SYT1: variants seen among roughly 807,000 people sequenced by gnomAD.
SYT1 encodes synaptotagmin-1.
Under a neutral mutation model 44.8 loss-of-function variants are expected in SYT1, and 8 were observed. That is an observed-to-expected ratio of 0.18 (90% CI 0.10 to 0.32). The LOEUF (loss-of-function observed/expected upper bound fraction) is 0.32, where lower values mean the gene tolerates loss of function less well. Among genes scored for constraint, SYT1 ranks in the 10% least tolerant of loss-of-function variants. SYT1 has a pLI of 1.00. For missense variants in SYT1, 286 were observed against 509.3 expected (o/e 0.56, Z 4.22); for synonymous variants, 154 against 188.8 (o/e 0.82, Z 1.51).
intron 3 of SYT1, among the ~76,000 whole-genome samples, chr12:79,050,418 A>G (rs2137785440): frequency 6.6e-6 from 1 of 152,146 alleles, no homozygotes; most frequent in African/African-American, 2.4e-5. Context: ...GTGTTGTTCA[A>G]GTGTCAACTA....
intron 2 of SYT1, among the ~76,000 whole-genome samples, chr12:78,982,196 A>T (rs537277918): frequency 9.4e-4 from 143 of 152,300 alleles, no homozygotes; most frequent in African/African-American, 2.9e-3. Context: ...GCTCTTTTTG[A>T]GCTGATATAT....
chr12:79,250,623 G>T (rs1877142978), intron 4 of SYT1, among the ~76,000 whole-genome samples: 1 of 152,064 alleles, frequency 6.6e-6, no homozygotes, highest in South Asian at 2.1e-4. Flanking sequence ...ATCCAATTCT[G>T]GTCATTTTGT....
intron 1 of SYT1, among the ~76,000 whole-genome samples, chr12:78,938,869 G>A (rs920389421): frequency 1.3e-5 from 2 of 152,188 alleles, no homozygotes; most frequent in African/African-American, 2.4e-5. Context: ...CCGATTAGCA[G>A]ATTAGAAATT....
At chr12:79,318,113 T>C (rs2138966696) in intron 8 of SYT1, among the ~76,000 whole-genome samples, 1 of 152,348 alleles carries the variant, frequency 6.6e-6, no homozygotes, top group African/African-American at 2.4e-5. Context: ...TAAATTTCCA[T>C]TTCTATATAA....
chr12:79,433,520 C>T (rs939105685), intron 9 of SYT1, among the ~76,000 whole-genome samples: 1 of 152,130 alleles, frequency 6.6e-6, no homozygotes, highest in Non-Finnish European at 1.5e-5. Context: ...AGTGACCTTT[C>T]ATCTGACGTA....
chr12:79,350,354 A>G lies in SYT1; in HGVS notation c.811-3148A>G, dbSNP rs192467924. 3.6e-3 allele frequency among the ~76,000 whole-genome samples: 521 copies of G among 145,614 alleles called. 4 individuals are homozygous for G. The highest frequency in any genetic ancestry group is 0.012 in the Admixed American group (162 of 13,918). On this transcript the variant is annotated intron_variant, in intron 8 of 10. Coordinates refer to ENST00000261205, the MANE Select transcript of SYT1 (RefSeq NM_005639.3). ...TGCAAGCTCCGCCTCCCGGGTTCAC[A>G]CCATTCTCCTGCCTCAGCCTCCAGA...
At chr12:78,869,301 T>A (rs1275807298) in intron 1 of SYT1, among the ~76,000 whole-genome samples, 2 of 151,950 alleles carry the variant, frequency 1.3e-5, no homozygotes, top group African/African-American at 4.8e-5. Context: ...TAAGATAAAC[T>A]GTGGTAGCCG....
At chr12:79,003,108 A>G (rs569069346) in intron 2 of SYT1, among the ~76,000 whole-genome samples, 37 of 152,096 alleles carry the variant, frequency 2.4e-4, no homozygotes, top group Non-Finnish European at 4.9e-4. Context: ...GGAGAGTCAG[A>G]AAAAGCAGAC....
rs1872036367 is a variant in SYT1, at chr12:79,019,413, A to G, written c.-83-27884A>G. The stretch of plus-strand genomic sequence containing the variant: ...ATTCCAGGGTTATACTGCAAAACCT[A>G]TAGATGATATAACTACATAAACCAA... On this transcript the variant is annotated intron_variant, in intron 2 of 10. Transcript: ENST00000261205. Among the ~76,000 whole-genome samples, 3 of 151,062 alleles carry G rather than the reference A, an allele frequency of 2.0e-5. No homozygotes were observed. In the South Asian group the frequency reaches 6.3e-4, roughly 32 times the overall value.
chr12:79,380,950 G>A (rs958789400), intron 9 of SYT1, among the ~76,000 whole-genome samples: 3 of 152,156 alleles, frequency 2.0e-5, no homozygotes, highest in Non-Finnish European at 4.4e-5. Flanking sequence ...GCCCAGGAAA[G>A]AGAATTAGCA....
At chr12:79,300,440 T>C (rs1444316991) in intron 8 of SYT1, among the ~76,000 whole-genome samples, 2 of 152,032 alleles carry the variant, frequency 1.3e-5, no homozygotes, top group African/African-American at 4.8e-5. Context: ...CCCTGGCCTC[T>C]TGGGGTCACC....
At chr12:79,076,148 A>C (rs1324508260) in intron 3 of SYT1, among the ~76,000 whole-genome samples, 2 of 152,100 alleles carry the variant, frequency 1.3e-5, no homozygotes, top group Admixed American at 1.3e-4. Context: ...GAGAAGTATG[A>C]TGTGATCTAA....
intron 3 of SYT1, among the ~76,000 whole-genome samples, chr12:79,106,435 AAACATTTT>A: frequency 6.6e-6 from 1 of 152,172 alleles, no homozygotes; most frequent in Admixed American, 6.5e-5. Flanking sequence ...TAATGAATTT[AAACATTTT>A]AACTCAGATA....
chr12:79,312,769 ATT>A (rs34469793), intron 8 of SYT1, among the ~76,000 whole-genome samples: 1,892 of 116,870 alleles, frequency 0.016, 6 homozygotes, highest in Middle Eastern at 0.065. Flanking sequence ...AAGGGGCTGC[ATT>A]TTTTTTTTTT....
chr12:78,893,198 A>C (rs903730176), intron 1 of SYT1, among the ~76,000 whole-genome samples: 6 of 151,816 alleles, frequency 4.0e-5, no homozygotes, highest in Non-Finnish European at 1.5e-5. Context: ...ACTAACAGTA[A>C]ATGACAGGCT....
chr12:79,338,566 C>G (rs1565915124), intron 8 of SYT1, among the ~76,000 whole-genome samples: 1 of 152,038 alleles, frequency 6.6e-6, no homozygotes, highest in Non-Finnish European at 1.5e-5. Flanking sequence ...AGCCACCACA[C>G]CTGACCAACT....
intron 8 of SYT1, among the ~76,000 whole-genome samples, chr12:79,334,436 A>G (rs946511058): frequency 6.6e-6 from 1 of 151,636 alleles, no homozygotes. Context: ...GCAAAGAAAG[A>G]AGAAGGGCCA....
At chr12:78,908,339 A>G (rs1876115195) in intron 1 of SYT1, among the ~76,000 whole-genome samples, 1 of 151,176 alleles carries the variant, frequency 6.6e-6, no homozygotes, top group African/African-American at 2.4e-5. Flanking sequence ...GAAATACTGA[A>G]TTTAAAATTA....
At chr12:79,257,613 G>T (rs1317211695) in intron 4 of SYT1, among the ~76,000 whole-genome samples, 2 of 151,814 alleles carry the variant, frequency 1.3e-5, no homozygotes, top group African/African-American at 4.8e-5. Context: ...TCAGCCTCCC[G>T]AGTAGCTGGG....
Sources: allele counts gnomAD v4.1 joint callset (sites outside exome capture counted in the v4.1 genomes callset), GRCh38; gene constraint gnomAD v4.1.1; transcripts MANE v1.5; gene names NCBI Gene and HGNC (gene_info 2026-07-23, HGNC 2026-07-21).